TDRD3: variants seen among roughly 807,000 people sequenced by gnomAD.
TDRD3 encodes tudor domain containing 3, also known as tudor domain-containing protein 3.
In TDRD3, 45 loss-of-function variants were observed where a neutral mutation model predicts 86.7. That is an observed-to-expected ratio of 0.52 (90% confidence interval 0.41 to 0.67). The LOEUF (loss-of-function observed/expected upper bound fraction) is 0.67. Ranked by LOEUF, TDRD3 falls within the 30% of genes least tolerant of loss-of-function variation. The pLI, the probability that TDRD3 is intolerant of heterozygous loss-of-function variation, is 0.00. For synonymous variants in TDRD3, 298 were observed against 301.7 expected, an observed-to-expected ratio of 0.99 and a Z score of 0.13; for missense variants, 814 against 889.0, an observed-to-expected ratio of 0.92 and a Z score of 1.07.
At chr13:60,514,410 T>G (rs1957125381) in intron 10 of TDRD3, among the ~76,000 whole-genome samples, 1 of 152,216 alleles carries the variant, frequency 6.6e-6, no homozygotes, top group East Asian at 1.9e-4. Context: ...ACCATGACCT[T>G]GGCTCACAGT....
rs559910259 is a variant in TDRD3 at position 60,524,866 on chromosome 13, A to T, written c.1142-3501A>T. On this transcript the variant is annotated intron_variant, in intron 10 of 13. Coordinates refer to ENST00000377881, the MANE Select transcript of TDRD3 (RefSeq NM_001146070.2). ...GTAATCCGAGCACTTTGGGAGGCCT[A>T]GGCGGGTAGATCATGAGGTCAGGAG... 2.0e-5 allele frequency among the ~76,000 whole-genome samples: 3 copies of T among 151,868 alleles called. No individual in the cohort carries two copies. In the East Asian group the frequency reaches 5.9e-4, roughly 30 times the overall value.
At chr13:60,464,762 T>A (rs1290050030) in intron 4 of TDRD3, among the ~76,000 whole-genome samples, 2 of 151,984 alleles carry the variant, frequency 1.3e-5, no homozygotes, top group Non-Finnish European at 2.9e-5. Flanking sequence ...ATTGATCTCC[T>A]GGAGATAGTA....
intron 12 of TDRD3, among the ~76,000 whole-genome samples, chr13:60,545,378 A>G (rs1458775272): frequency 6.6e-6 from 1 of 152,154 alleles, no homozygotes; most frequent in East Asian, 1.9e-4. Flanking sequence ...ATGTCTGATT[A>G]TGTTCACTTT....
intron 1 of TDRD3, among the ~76,000 whole-genome samples, chr13:60,428,857 G>C (rs1954879967): frequency 6.6e-6 from 1 of 152,144 alleles, no homozygotes; most frequent in Non-Finnish European, 1.5e-5. Flanking sequence ...AGTTTAAGCA[G>C]ATAAGGGAGT....
intron 7 of TDRD3, among the ~76,000 whole-genome samples, chr13:60,488,614 C>A (rs7995827): frequency 0.15 from 23,085 of 151,848 alleles, 1,968 homozygotes; most frequent in African/African-American, 0.22. Flanking sequence ...TGCTCTGTTG[C>A]CCAGGGTGGA....
At position 60,457,209 on chromosome 13, in the gene TDRD3, TTGA is replaced by T. The variant is rs140281059; in HGVS notation, c.193-3166_193-3164del. 4.0e-3 allele frequency among the ~76,000 whole-genome samples: 602 copies of T among 152,306 alleles called. 7 individuals carry two copies. The highest frequency in any genetic ancestry group is 0.013 in the African/African-American group (549 of 41,566). ...AATTGTGGAACTACTAACTTAAGGC[TTGA>T]TGATTCAAATTAAGAAGTGACAAGA... On this transcript the variant is annotated intron_variant, in intron 3 of 13. Transcript: ENST00000377881.
At chr13:60,565,298 G>A (rs374678843) in intron 12 of TDRD3, among the ~76,000 whole-genome samples, 5 of 150,912 alleles carry the variant, frequency 3.3e-5, no homozygotes, top group East Asian at 3.9e-4. Context: ...CTCGTGATCC[G>A]CCCGCCTCGG....
At chr13:60,563,719 A>G (rs150889832) in intron 12 of TDRD3, among the ~76,000 whole-genome samples, 102 of 152,298 alleles carry the variant, frequency 6.7e-4, no homozygotes, top group Middle Eastern at 3.4e-3. Flanking sequence ...TCACCTTACT[A>G]TTTGTGGAAC....
At chr13:60,557,062 C>A (rs995058745) in intron 12 of TDRD3, among the ~76,000 whole-genome samples, 1 of 151,846 alleles carries the variant, frequency 6.6e-6, no homozygotes, top group Non-Finnish European at 1.5e-5. Flanking sequence ...AAAAATTAGC[C>A]GGGCATGGTG....
chr13:60,427,201 T>G (rs1954834033), intron 1 of TDRD3, among the ~76,000 whole-genome samples: 1 of 152,212 alleles, frequency 6.6e-6, no homozygotes, highest in Non-Finnish European at 1.5e-5. Flanking sequence ...TTTAAATCTT[T>G]ATTATTTTCA....
intron 12 of TDRD3, chr13:60,536,083 G>A (rs188357810): frequency 5.9e-5 from 9 of 152,074 alleles, no homozygotes; most frequent in South Asian, 4.2e-4. Context: ...TCATTGAAGG[G>A]TACATTGTTT....
intron 1 of TDRD3, among the ~76,000 whole-genome samples, chr13:60,410,401 G>C (rs1271525222): frequency 2.0e-5 from 3 of 152,166 alleles, no homozygotes; most frequent in South Asian, 2.1e-4. Flanking sequence ...GTTTACTCTT[G>C]TTATCTTGCA....
intron 8 of TDRD3, among the ~76,000 whole-genome samples, chr13:60,503,479 A>G (rs975052133): frequency 2.0e-5 from 3 of 152,206 alleles, no homozygotes; most frequent in Non-Finnish European, 4.4e-5. Context: ...AATTCCATAC[A>G]ATATTGGAAC....
In TDRD3 at chr13:60,481,682, C is replaced by T. The variant is rs139739868; in HGVS notation, c.496-2093C>T. ...ACACATAGTTTTAATAGCTGTTTAA[C>T]GCCCTATTTATTAGTTCATCATCTT... On this transcript the variant is annotated intron_variant, in intron 5 of 13. Coordinates refer to ENST00000377881, the MANE Select transcript of TDRD3 (RefSeq NM_001146070.2). Among the ~76,000 whole-genome samples the T allele has an allele frequency of 2.9e-3, 437 of 151,942 alleles. 1 individual carries two copies. Among genetic ancestry groups the T allele is most frequent in the African/African-American group, 8.5e-3 (352 of 41,462 alleles).
rs1026289866 is a variant in TDRD3, at chr13:60,554,514, A to G, written c.2119-13011A>G. 2.6e-5 allele frequency among the ~76,000 whole-genome samples: 4 copies of G among 152,126 alleles called. No individual in the cohort carries two copies. In the East Asian group the frequency reaches 5.8e-4, roughly 22 times the overall value. On this transcript the variant is annotated intron_variant, in intron 12 of 13. Coordinates refer to ENST00000377881, the MANE Select transcript of TDRD3 (RefSeq NM_001146070.2). Reference sequence around the variant, plus strand: ...TATTTGCTCTACTTTTTAATAAACAATTTACACTGGGGGCAGGGGCACAAC... The same window carrying G: ...TATTTGCTCTACTTTTTAATAAACAGTTTACACTGGGGGCAGGGGCACAAC...
chr13:60,534,906 C>T (rs563668553), intron 11 of TDRD3, among the ~76,000 whole-genome samples: 33 of 128,730 alleles, frequency 2.6e-4, no homozygotes, highest in East Asian at 8.7e-4. Flanking sequence ...CCAGCCTGGG[C>T]GACAGAGCAA....
At chr13:60,426,380 A>T (rs544239889) in intron 1 of TDRD3, among the ~76,000 whole-genome samples, 1 of 152,342 alleles carries the variant, frequency 6.6e-6, no homozygotes, top group South Asian at 2.1e-4. Context: ...TAAAGTTATT[A>T]AAATTAGAGA....
At chr13:60,427,259 T>G (rs1360735108) in intron 1 of TDRD3, among the ~76,000 whole-genome samples, 1 of 152,240 alleles carries the variant, frequency 6.6e-6, no homozygotes, top group Admixed American at 6.5e-5. Context: ...ATTTTGTTTT[T>G]TCTTCAGAAT....
intron 12 of TDRD3, among the ~76,000 whole-genome samples, chr13:60,559,933 G>A (rs117356226): frequency 0.031 from 4,665 of 149,548 alleles, 89 homozygotes; most frequent in Non-Finnish European, 0.051. Context: ...GGAAACTGAG[G>A]TGATGGATAT....
Sources: gnomAD v4.1 joint callset for allele counts (sites outside exome capture counted in the v4.1 genomes callset) on GRCh38, gnomAD v4.1.1 for gene constraint, MANE v1.5 for transcripts, NCBI Gene and HGNC (gene_info 2026-07-23, HGNC 2026-07-21) for gene names.